CADM3: variants seen among roughly 807,000 people sequenced by gnomAD.
The protein encoded by CADM3 is cell adhesion molecule 3.
CADM3 carries 11 observed loss-of-function variants against 44.9 expected under a neutral mutation model. The ratio of observed to expected loss-of-function variants is 0.25; its 90% confidence interval spans 0.15 to 0.41. CADM3 has a LOEUF of 0.41. CADM3 is among the 10% of genes least tolerant of loss of function. The pLI, the probability that CADM3 is intolerant of heterozygous loss-of-function variation, is 1.00. For synonymous variants in CADM3, 207 were observed against 205.2 expected, an observed-to-expected ratio of 1.01 and a Z score of -0.08; for missense variants, 426 against 512.0, an observed-to-expected ratio of 0.83 and a Z score of 1.62.
intron 5 of CADM3, chr1:159,195,716 C>G (rs538091701): frequency 6.6e-6 from 1 of 152,356 alleles, no homozygotes; most frequent in South Asian, 2.1e-4. Context: ...ATCTGTTGTT[C>G]TCGACCAGCA....
chr1:159,197,192 T>C (rs1371906036), intron 7 of CADM3, 132 bp downstream of exon 7: 4 of 907,344 alleles, frequency 4.4e-6, no homozygotes, highest in Admixed American at 5.0e-5. Flanking sequence ...AGCCCACCAC[T>C]GGGGTCCCTG....
At chr1:159,194,214 A>G in intron 5 of CADM3, 174 bp downstream of exon 5, 1 of 607,058 alleles carries the variant, frequency 1.6e-6, no homozygotes, top group East Asian at 2.9e-5. Context: ...CAGAGGGCCC[A>G]GTAATGAATA....
intron 7 of CADM3, among the ~76,000 whole-genome samples, chr1:159,198,681 T>C (rs964029735): frequency 1.3e-5 from 2 of 151,984 alleles, no homozygotes; most frequent in African/African-American, 2.4e-5. Context: ...AGCTCTCCCA[T>C]GGGTGGGAGA....
At position 159,196,973 on chromosome 1, in the gene CADM3, C is replaced by G; in HGVS notation, c.865C>G (p.Leu289Val). The G allele has an allele frequency of 1.9e-6, 3 of 1,614,114 alleles. No homozygotes were observed. The highest frequency in any genetic ancestry group is 2.5e-6 in the Non-Finnish European group (3 of 1,180,020). ...TQESALIFPFLNKSDSGTYGC... is the reference protein window; with the variant it reads ...TQESALIFPFVNKSDSGTYGC... ...GGAGAGTGCCCTGATCTTCCCTTTC[C>G]TCAACAAGAGTGACAGTGGCACCTA... Residue 289 changes from leucine (L) to valine (V), a missense_variant, in exon 7 of 9, where the codon CTC becomes GTC. Around this residue, in one of 2 missense-constraint regions of CADM3, gnomAD observed 362 missense variants for 474.6 expected, o/e 0.76. Coordinates refer to ENST00000368125, the MANE Select transcript of CADM3 (RefSeq NM_001127173.3).
At chr1:159,180,968 T>C (rs545658127) in intron 1 of CADM3, among the ~76,000 whole-genome samples, 20 of 152,198 alleles carry the variant, frequency 1.3e-4, no homozygotes, top group South Asian at 2.1e-4. Context: ...CAGACAGGTA[T>C]TGGGGCACTG....
At chr1:159,179,366 CACTA>C (rs1649143136) in intron 1 of CADM3, among the ~76,000 whole-genome samples, 1 of 152,192 alleles carries the variant, frequency 6.6e-6, no homozygotes, top group African/African-American at 2.4e-5. Context: ...GCTAGACTTA[CACTA>C]ACTGTGTATT....
chr1:159,188,555 C>A (rs1376426651), intron 1 of CADM3, among the ~76,000 whole-genome samples: 1 of 152,106 alleles, frequency 6.6e-6, no homozygotes, highest in Non-Finnish European at 1.5e-5. Context: ...TGGCGAAGTT[C>A]ACCCGGGACT....
intron 1 of CADM3, among the ~76,000 whole-genome samples, chr1:159,187,688 G>A (rs965816412): frequency 3.9e-5 from 6 of 152,130 alleles, no homozygotes; most frequent in African/African-American, 1.4e-4. Flanking sequence ...AGTCCTCTCT[G>A]TCTTCTCCCT....
At position 159,193,480 on chromosome 1, in the gene CADM3, C is replaced by T. The variant is rs749325618; in HGVS notation, c.440C>T (p.Thr147Ile). 8 of 1,613,094 alleles carry T rather than the reference C, an allele frequency of 5.0e-6. No individual in the cohort carries two copies. Among genetic ancestry groups the T allele is most frequent in the Non-Finnish European group, 6.8e-6 (8 of 1,179,254 alleles). Residue 147 changes from threonine to isoleucine, a missense_variant, in exon 4 of 9, where the codon ACA becomes ATA. By Grantham distance (89) the Thr-to-Ile change is moderately conservative. This residue lies in a region of CADM3 where 362 missense variants were observed against 474.6 expected (regional missense o/e 0.76). Coordinates refer to ENST00000368125, the MANE Select transcript of CADM3 (RefSeq NM_001127173.3). ...AAATCTTCATTACGGGAAAAAGACACAGCCACCCTAAACTGTCAGTCTTCT... is the reference window on the plus strand; with the variant it reads ...AAATCTTCATTACGGGAAAAAGACATAGCCACCCTAAACTGTCAGTCTTCT... ...GYKSSLREKD[T>I]ATLNCQSSGS... is the part of the protein sequence containing the mutation.
At chr1:159,186,946 T>C (rs1337082076) in intron 1 of CADM3, among the ~76,000 whole-genome samples, 1 of 152,226 alleles carries the variant, frequency 6.6e-6, no homozygotes, top group Admixed American at 6.5e-5. Flanking sequence ...CATTTGGTTA[T>C]CAGTCCTCTG....
intron 1 of CADM3, among the ~76,000 whole-genome samples, chr1:159,190,408 C>T (rs1649607199): frequency 6.6e-6 from 1 of 152,208 alleles, no homozygotes; most frequent in Non-Finnish European, 1.5e-5. Flanking sequence ...TATTGAAAGA[C>T]ACAGGAACAG....
Position 159,199,884 on chromosome 1 carries a change from G to A in CADM3, c.1078+8G>A, listed in dbSNP as rs1341776123. On this transcript the variant is annotated splice_region_variant and intron_variant, in intron 8 of 8. Coordinates refer to ENST00000368125, the MANE Select transcript of CADM3 (RefSeq NM_001127173.3). ...ACTTGATCCGGCACAAAGGTCAGAG[G>A]CACAAAGAGAGCATCAGCAGAACTT... 1.9e-6 allele frequency: 3 copies of A among 1,613,348 alleles called. No individual in the cohort carries two copies. The highest frequency in any genetic ancestry group is 2.5e-6 in the Non-Finnish European group (3 of 1,179,762).
Position 159,194,027 on chromosome 1 carries a change from C to A in CADM3, c.678C>A (p.Arg226=), listed in dbSNP as rs200807809. ...GAGCTGACAGATCCACCTCTCAACGCATTGAAGTTTTATGTATGTCATGGG... is the reference window on the plus strand; with the variant it reads ...GAGCTGACAGATCCACCTCTCAACGAATTGAAGTTTTATGTATGTCATGGG... ...LKGADRSTSQ[R]IEVLYTPTAM... The change falls in exon 5 of 9, where the codon CGC becomes CGA. Residue 226 remains arginine (R), a synonymous_variant. Transcript: ENST00000368125. 12 of 1,613,216 alleles carry A rather than the reference C, an allele frequency of 7.4e-6. No homozygotes were observed. The African/African-American group carries it at 1.3e-4, about 18-fold the overall frequency.
intron 1 of CADM3, chr1:159,189,920 C>A: frequency 8.1e-7 from 1 of 1,238,476 alleles, no homozygotes; most frequent in South Asian, 1.3e-5. Context: ...TTCCCTCACT[C>A]ATCCTCACAT....
intron 3 of CADM3, 45 bp from the exon 4 acceptor site, chr1:159,193,378 A>G: frequency 6.4e-7 from 1 of 1,550,894 alleles, no homozygotes; most frequent in African/African-American, 1.4e-5. Flanking sequence ...GTGTGACCCC[A>G]TGGGGCCTCT....
intron 1 of CADM3, among the ~76,000 whole-genome samples, chr1:159,180,457 A>G (rs980243632): frequency 6.6e-6 from 1 of 152,100 alleles, no homozygotes; most frequent in African/African-American, 2.4e-5. Flanking sequence ...GAACAATATT[A>G]TTTTCCATTT....
chr1:159,176,867 C>T (rs375452902), intron 1 of CADM3, among the ~76,000 whole-genome samples: 1 of 152,120 alleles, frequency 6.6e-6, no homozygotes, highest in South Asian at 2.1e-4. Flanking sequence ...GCCTTAAGGC[C>T]GTCATCAAAT....
Position 159,196,967 on chromosome 1 carries a change from C to T in CADM3, c.859C>T (p.Pro287Ser). 6.2e-7 allele frequency: 1 copy of T among 1,614,096 alleles called. No individual in the cohort carries two copies. The highest frequency in any genetic ancestry group is 1.1e-5 in the South Asian group (1 of 91,074). Residue 287 changes from proline to serine, a missense_variant, in exon 7 of 9, where the codon CCT becomes TCT. Pro to Ser is a moderately conservative substitution (Grantham distance 74). Transcript: ENST00000368125. Reference protein sequence around the residue: ...KMTQESALIFPFLNKSDSGTY... With the variant: ...KMTQESALIFSFLNKSDSGTY... Reference sequence around the variant, plus strand: ...GACCCAGGAGAGTGCCCTGATCTTCCCTTTCCTCAACAAGAGTGACAGTGG... The same window carrying T: ...GACCCAGGAGAGTGCCCTGATCTTCTCTTTCCTCAACAAGAGTGACAGTGG...
intron 1 of CADM3, among the ~76,000 whole-genome samples, chr1:159,180,364 G>A (rs990457144): frequency 1.3e-5 from 2 of 151,992 alleles, no homozygotes; most frequent in African/African-American, 2.4e-5. Flanking sequence ...TCTATCTTAG[G>A]GAACAAAAAT....
Sources: gnomAD v4.1 joint callset for allele counts (sites outside exome capture counted in the v4.1 genomes callset) on GRCh38, gnomAD v4.1.1 for gene constraint, gnomAD v4.1.1 regional missense constraint, MANE v1.5 for transcripts, NCBI Gene and HGNC (gene_info 2026-07-23, HGNC 2026-07-21) for gene names.